Variants in COXFA4 observed in about 807,000 individuals in gnomAD.
The protein encoded by COXFA4 is cytochrome c oxidase subunit FA4.
At chr7:10,940,145 C>G in the COXFA4 span, 11 of 1,356,624 alleles carry the variant, frequency 8.1e-6, no homozygotes, top group Non-Finnish European at 1.0e-5. Flanking sequence ...TGAGACACTA[C>G]GGACTTCCAA....
At chr7:10,938,159 A>G in the COXFA4 span, 2 of 1,609,244 alleles carry the variant, frequency 1.2e-6, no homozygotes, top group Non-Finnish European at 1.7e-6. Context: ...TAAAAGAAAT[A>G]AAACATTACG....
chr7:10,937,824 CTG>C, the COXFA4 span: 1 of 435,010 alleles, frequency 2.3e-6, no homozygotes, highest in Admixed American at 3.7e-5. Context: ...TTTGAGAACA[CTG>C]TGTTAGACTA....
chr7:10,939,826 C>A, the COXFA4 span: 1 of 723,120 alleles, frequency 1.4e-6, no homozygotes, highest in East Asian at 2.5e-5. Context: ...TCAGACAAAA[C>A]CCCACAATGC....
At chr7:10,933,938 A>G in the COXFA4 span, among the ~76,000 whole-genome samples, 97 of 152,300 alleles carry the variant, frequency 6.4e-4, no homozygotes, top group African/African-American at 2.2e-3. Flanking sequence ...AGTACAGTCT[A>G]CTACTTGGAA....
At chr7:10,935,826 T>C in the COXFA4 span, among the ~76,000 whole-genome samples, 2 of 152,192 alleles carry the variant, frequency 1.3e-5, no homozygotes, top group African/African-American at 4.8e-5. Context: ...TCTTAGCGGC[T>C]TACAACGACA....
chr7:10,936,430 G>A, the COXFA4 span, among the ~76,000 whole-genome samples: 5,271 of 152,270 alleles, frequency 0.035, 251 homozygotes, highest in East Asian at 0.13. Context: ...ACGCTCTTTG[G>A]TGGAAGAATC....
At chr7:10,933,135 G>C in the COXFA4 span, 790 of 158,624 alleles carry the variant, frequency 5.0e-3, 5 homozygotes, top group Non-Finnish European at 6.9e-3. Flanking sequence ...TCACAACAAA[G>C]AGATGCCAAG....
the COXFA4 span, among the ~76,000 whole-genome samples, chr7:10,934,541 G>T: frequency 6.6e-6 from 1 of 152,154 alleles, no homozygotes; most frequent in East Asian, 1.9e-4. Context: ...TGCTAAAGAG[G>T]TTGTGCTATA....
chr7:10,938,006 T>A, the COXFA4 span: 1 of 1,091,430 alleles, frequency 9.2e-7, no homozygotes, highest in East Asian at 2.4e-5. Flanking sequence ...TTTACTCGTA[T>A]ATCCAGTTTC....
chr7:10,938,216 C>T, the COXFA4 span: 3 of 1,322,846 alleles, frequency 2.3e-6, no homozygotes, highest in Non-Finnish European at 2.2e-6. Flanking sequence ...ACTAAGAATA[C>T]ATTTTTGAAC....
the COXFA4 span, chr7:10,932,392 T>C: frequency 1.3e-5 from 2 of 152,198 alleles, no homozygotes; most frequent in Non-Finnish European, 2.9e-5. Context: ...GGTGTAAATA[T>C]CCACCATTTG....
At chr7:10,934,516 T>G in the COXFA4 span, among the ~76,000 whole-genome samples, 1 of 152,146 alleles carries the variant, frequency 6.6e-6, no homozygotes, top group African/African-American at 2.4e-5. Flanking sequence ...GTTTACTCAT[T>G]CTTGTGCCAA....
At chr7:10,934,636 A>G in the COXFA4 span, among the ~76,000 whole-genome samples, 1 of 152,166 alleles carries the variant, frequency 6.6e-6, no homozygotes, top group Non-Finnish European at 1.5e-5. Flanking sequence ...TTAAGCATGA[A>G]GTTCACAAAT....
the COXFA4 span, chr7:10,932,688 G>C: frequency 1.3e-5 from 2 of 152,152 alleles, no homozygotes; most frequent in African/African-American, 4.8e-5. Context: ...CCTGCACCAT[G>C]GCTAAGCGCA....
At chr7:10,936,866 T>TA in the COXFA4 span, among the ~76,000 whole-genome samples, 2 of 151,990 alleles carry the variant, frequency 1.3e-5, no homozygotes, top group Non-Finnish European at 2.9e-5. Context: ...CAAAACCCCA[T>TA]CTCTACTAAA....
At chr7:10,939,922 G>T in the COXFA4 span, 2 of 1,390,794 alleles carry the variant, frequency 1.4e-6, no homozygotes, top group Non-Finnish European at 2.0e-6. Context: ...ACGGTAAGTG[G>T]CTGTAAATGA....
the COXFA4 span, chr7:10,933,632 T>A: frequency 6.2e-7 from 1 of 1,607,794 alleles, no homozygotes; most frequent in South Asian, 1.1e-5. Flanking sequence ...GTGAAACATT[T>A]CATTTAGAAA....
the COXFA4 span, chr7:10,939,304 A>C: frequency 4.9e-6 from 1 of 205,980 alleles, no homozygotes; most frequent in Non-Finnish European, 1.0e-5. Context: ...TGCCTCTATA[A>C]AGATGTATGA....
At chr7:10,936,383 T>TA in the COXFA4 span, among the ~76,000 whole-genome samples, 89 of 152,362 alleles carry the variant, frequency 5.8e-4, 3 homozygotes, top group East Asian at 0.014. Flanking sequence ...AATCATCTGT[T>TA]ACACTTTTTG....
Sources: gnomAD v4.1 joint callset for allele counts (sites outside exome capture counted in the v4.1 genomes callset) on GRCh38, gnomAD v4.1.1 for gene constraint, MANE v1.5 for transcripts, NCBI Gene and HGNC (gene_info 2026-07-23, HGNC 2026-07-21) for gene names.